The following MRTFA variants were observed in gnomAD, a reference collection of about 807,000 sequenced individuals.
MRTFA encodes the protein myocardin related transcription factor A.
A neutral mutation model predicts 83.5 loss-of-function variants in MRTFA; 20 were observed. That is an observed-to-expected ratio of 0.24 (90% confidence interval 0.17 to 0.35). The LOEUF (loss-of-function observed/expected upper bound fraction) is 0.35, where lower values mean the gene tolerates loss of function less well. Ranked by LOEUF, MRTFA falls within the 10% of genes least tolerant of loss-of-function variation. MRTFA has a pLI of 1.00. For synonymous variants in MRTFA, 659 were observed against 541.2 expected, an observed-to-expected ratio of 1.22 and a Z score of -3.02; for missense variants, 1,200 against 1,224.7, an observed-to-expected ratio of 0.98 and a Z score of 0.30.
intron 2 of MRTFA, among the ~76,000 whole-genome samples, chr22:40,553,260 C>T (rs566198420): frequency 1.8e-4 from 27 of 152,312 alleles, no homozygotes; most frequent in African/African-American, 5.3e-4. Flanking sequence ...TTCAAGCCAC[C>T]TGCAGAAATT....
intron 2 of MRTFA, among the ~76,000 whole-genome samples, chr22:40,585,545 T>C (rs2056015849): frequency 1.3e-5 from 2 of 152,230 alleles, no homozygotes; most frequent in Admixed American, 1.3e-4. Context: ...ACTATATACT[T>C]AAAATGATTA....
At chr22:40,484,021 C>T (rs1026224215) in intron 3 of MRTFA, among the ~76,000 whole-genome samples, 3 of 151,860 alleles carry the variant, frequency 2.0e-5, no homozygotes, top group Admixed American at 6.6e-5. Context: ...CTACACCTGG[C>T]CCTTTTCTAT....
At chr22:40,584,468 G>A (rs954212375) in intron 2 of MRTFA, among the ~76,000 whole-genome samples, 1 of 152,202 alleles carries the variant, frequency 6.6e-6, no homozygotes. Flanking sequence ...CAGGCGTGGT[G>A]GCTTGCGCCT....
chr22:40,598,116 T>C (rs1422671338), intron 1 of MRTFA, among the ~76,000 whole-genome samples: 1 of 152,184 alleles, frequency 6.6e-6, no homozygotes, highest in Admixed American at 6.5e-5. Flanking sequence ...CTGACAGATT[T>C]CTTACATTAA....
chr22:40,480,354 T>C (rs2147183508), intron 3 of MRTFA, among the ~76,000 whole-genome samples: 1 of 152,094 alleles, frequency 6.6e-6, no homozygotes, highest in African/African-American at 2.4e-5. Flanking sequence ...CCTCCAGTTA[T>C]CCTCCTACCT....
rs748314213 is a variant in MRTFA at position 40,493,031 on chromosome 22, A to AT, written c.242-29746dup. On this transcript the variant is annotated intron_variant, in intron 3 of 14. Coordinates refer to ENST00000355630, the MANE Select transcript of MRTFA (RefSeq NM_020831.6). ...GGCACAATAGTGACAACCCACCAAA[A>AT]TTTGGGATTCAAACCCTTATCTTGT... Among the ~76,000 whole-genome samples, 10 of 152,310 alleles carry AT rather than the reference A, an allele frequency of 6.6e-5. No homozygotes were observed. In the South Asian group the frequency reaches 8.3e-4, roughly 13 times the overall value.
chr22:40,546,458 G>A (rs2055366407), intron 3 of MRTFA, among the ~76,000 whole-genome samples: 1 of 152,226 alleles, frequency 6.6e-6, no homozygotes, highest in South Asian at 2.1e-4. Flanking sequence ...GTCTGAGGGA[G>A]AAGCCAACCA....
At chr22:40,481,509 C>T (rs765844503) in intron 3 of MRTFA, among the ~76,000 whole-genome samples, 40 of 152,020 alleles carry the variant, frequency 2.6e-4, no homozygotes, top group Non-Finnish European at 5.0e-4. Context: ...ATAAGGTGTA[C>T]GTATTATAAT....
intron 2 of MRTFA, among the ~76,000 whole-genome samples, chr22:40,588,598 A>C (rs913236531): frequency 1.4e-4 from 21 of 152,218 alleles, no homozygotes; most frequent in African/African-American, 4.6e-4. Flanking sequence ...ATAGATTGCC[A>C]GTTAATGAAC....
At chr22:40,495,043 T>TA (rs1555983903) in intron 3 of MRTFA, among the ~76,000 whole-genome samples, 2 of 151,936 alleles carry the variant, frequency 1.3e-5, no homozygotes, top group Admixed American at 6.6e-5. Flanking sequence ...TTTTTTTTTT[T>TA]TAAAAAAGCA....
At chr22:40,464,791 A>T (rs2147156683) in intron 3 of MRTFA, among the ~76,000 whole-genome samples, 2 of 152,220 alleles carry the variant, frequency 1.3e-5, no homozygotes, top group South Asian at 4.1e-4. Flanking sequence ...TTTTCCTCCC[A>T]AAAACCTAAT....
chr22:40,578,453 T>C (rs1250152755), intron 2 of MRTFA, among the ~76,000 whole-genome samples: 1 of 152,162 alleles, frequency 6.6e-6, no homozygotes, highest in Admixed American at 6.5e-5. Flanking sequence ...AGAGATGGTA[T>C]GTAACATCCT....
At chr22:40,483,863 T>C (rs2054132418) in intron 3 of MRTFA, among the ~76,000 whole-genome samples, 1 of 151,612 alleles carries the variant, frequency 6.6e-6, no homozygotes, top group African/African-American at 2.4e-5. Flanking sequence ...CTTGACCAAT[T>C]TTTGCTTTTT....
chr22:40,467,703 A>G (rs1020810397), intron 3 of MRTFA, among the ~76,000 whole-genome samples: 6 of 152,124 alleles, frequency 3.9e-5, no homozygotes, highest in African/African-American at 1.4e-4. Flanking sequence ...ATGGAGATTT[A>G]GGAGAGTAGG....
At chr22:40,563,600 C>T (rs1224642070) in intron 2 of MRTFA, among the ~76,000 whole-genome samples, 1 of 151,730 alleles carries the variant, frequency 6.6e-6, no homozygotes, top group Non-Finnish European at 1.5e-5. Flanking sequence ...TAGTAGCTCA[C>T]ACCCATAATC....
chr22:40,555,536 C>T (rs1445895799), intron 2 of MRTFA, among the ~76,000 whole-genome samples: 1 of 151,900 alleles, frequency 6.6e-6, no homozygotes, highest in Non-Finnish European at 1.5e-5. Flanking sequence ...CATCCTTGTA[C>T]AGGCTTGCAA....
chr22:40,547,086 C>T (rs1157644933), intron 3 of MRTFA, among the ~76,000 whole-genome samples: 2 of 151,880 alleles, frequency 1.3e-5, no homozygotes, highest in Non-Finnish European at 2.9e-5. Context: ...ACCCAGGAGG[C>T]GGAGCTTGCA....
chr22:40,544,265 T>C (rs778446929), intron 3 of MRTFA, among the ~76,000 whole-genome samples: 1 of 152,232 alleles, frequency 6.6e-6, no homozygotes, highest in Non-Finnish European at 1.5e-5. Context: ...GATGGGGTCT[T>C]GCTCTGTCAC....
At chr22:40,484,784 A>T (rs1161266038) in intron 3 of MRTFA, among the ~76,000 whole-genome samples, 2 of 152,148 alleles carry the variant, frequency 1.3e-5, no homozygotes, top group African/African-American at 2.4e-5. Context: ...TCAAAATCTA[A>T]AAGTAGAGGC....
Sources: gnomAD v4.1 joint callset for allele counts (sites outside exome capture counted in the v4.1 genomes callset) on GRCh38, gnomAD v4.1.1 for gene constraint, MANE v1.5 for transcripts, NCBI Gene and HGNC (gene_info 2026-07-23, HGNC 2026-07-21) for gene names.